The following KIF1A variants were observed in gnomAD, a reference collection of about 807,000 sequenced individuals.
KIF1A encodes kinesin-like protein KIF1A.
In KIF1A, 46 loss-of-function variants were observed where a neutral mutation model predicts 227.3. The ratio of observed to expected loss-of-function variants is 0.20; its 90% CI spans 0.16 to 0.26. The LOEUF (loss-of-function observed/expected upper bound fraction) is 0.26. KIF1A is among the 10% of genes least tolerant of loss of function. The pLI, the probability that KIF1A is intolerant of heterozygous loss-of-function variation, is 1.00. For synonymous variants in KIF1A, 1,022 were observed against 1,012.8 expected, an observed-to-expected ratio of 1.01 and a Z score of -0.17; for missense variants, 1,683 against 2,485.9, an observed-to-expected ratio of 0.68 and a Z score of 6.87.
intron 1 of KIF1A, among the ~76,000 whole-genome samples, chr2:240,807,122 GTGTGTGTGTATATA>G (rs1416812013): frequency 1.1e-5 from 1 of 91,538 alleles, no homozygotes; most frequent in African/African-American, 5.0e-5. Context: ...GTGTGTGTGT[GTGTGTGTGTATATA>G]TATATATATA....
intron 9 of KIF1A, among the ~76,000 whole-genome samples, 156 bp from the exon 10 acceptor site, chr2:240,782,763 C>T (rs1340162309): frequency 2.0e-5 from 3 of 152,144 alleles, no homozygotes; most frequent in African/African-American, 4.8e-5. Context: ...CAGGCAGGGT[C>T]CCTCCAGGGC....
intron 40 of KIF1A, chr2:240,724,338 C>G (rs1033960462): frequency 2.2e-6 from 1 of 464,786 alleles, no homozygotes; most frequent in African/African-American, 2.0e-5. Context: ...GCAACATGAG[C>G]ACAGCATCTG....
At position 240,785,087 on chromosome 2, in the gene KIF1A, T is replaced by C; in HGVS notation, c.622A>G (p.Thr208Ala). The stretch of plus-strand genomic sequence containing the variant: ...CGACTGCTGGTCTCATTCATGTTGG[T>C]GGCCGCCACGGTCCTGAGGAGCAGA... ...SGNKARTVAA[T>A]NMNETSSRSH... The change falls in exon 7 of 49, where the codon ACC becomes GCC. Residue 208 changes from threonine to alanine, a missense_variant. This residue lies in a region of KIF1A where 75 missense variants were observed against 131.2 expected (regional missense o/e 0.57). Coordinates refer to ENST00000498729, the MANE Select transcript of KIF1A (RefSeq NM_001244008.2). The C allele has an allele frequency of 6.2e-7, 1 of 1,612,950 alleles. No individual in the cohort carries two copies. Among genetic ancestry groups the C allele is most frequent in the Non-Finnish European group, 8.5e-7 (1 of 1,179,642 alleles).
At position 240,719,867 on chromosome 2, in the gene KIF1A, T is replaced by TCGG; in HGVS notation, c.4925_4927dup (p.Ala1642dup). ...GGCAGGGGAAGGGAGCTTCTTGGAG[T>TCGG]CGGCCTCTGGCAGCAGCTCGGGCTC... On this transcript the variant is annotated inframe_insertion, in exon 46 of 49. Coordinates refer to ENST00000498729, the MANE Select transcript of KIF1A (RefSeq NM_001244008.2). 1 of 1,611,682 alleles carries TCGG rather than the reference T, an allele frequency of 6.2e-7. No individual in the cohort carries two copies. Among genetic ancestry groups the TCGG allele is most frequent in the South Asian group, 1.1e-5 (1 of 90,988 alleles).
intron 35 of KIF1A, 137 bp downstream of exon 35, chr2:240,741,132 C>T: frequency 1.6e-6 from 1 of 618,582 alleles, no homozygotes; most frequent in Non-Finnish European, 2.9e-6. Flanking sequence ...GCCGGGCCCA[C>T]AAGAGGTCTG....
Position 240,775,734 on chromosome 2 carries a change from T to A in KIF1A, c.958+117A>T. On this transcript the variant is annotated intron_variant, in intron 11 of 48. Coordinates refer to ENST00000498729, the MANE Select transcript of KIF1A (RefSeq NM_001244008.2). This position sits in a 1 kb window ranked among gnomAD's most constrained non-coding sequence, Gnocchi z 5.5. ...GACCCTCCAGGTTCACCTCCCAGCC[T>A]CAGCCCAGAAAGGGTGAGAGGCCTG... 1.4e-6 allele frequency: 1 copy of A among 718,662 alleles called. No individual in the cohort carries two copies. 44.5% of individuals were successfully genotyped at this position (718,662 alleles called of 1,614,324 possible).
chr2:240,722,817 G>A (rs938156854), intron 42 of KIF1A, among the ~76,000 whole-genome samples, 161 bp from the exon 43 acceptor site: 1 of 152,068 alleles, frequency 6.6e-6, no homozygotes, highest in East Asian at 1.9e-4. Context: ...TGAAATGAGG[G>A]AACAGACCCT....
At chr2:240,782,687 C>T (rs981880168) in intron 9 of KIF1A, 80 bp from the exon 10 acceptor site, 5 of 1,423,648 alleles carry the variant, frequency 3.5e-6, no homozygotes, top group Admixed American at 2.0e-5. Context: ...GCAGGCGGCC[C>T]GGCTGCCTCG....
chr2:240,773,010 G>A, intron 13 of KIF1A, 104 bp downstream of exon 13: 1 of 1,285,920 alleles, frequency 7.8e-7, no homozygotes, highest in East Asian at 2.5e-5. Context: ...CCAGGGTGCA[G>A]CCAGCAAAGT....
At chr2:240,737,041 C>A (rs370105200) in intron 38 of KIF1A, 22 bp downstream of exon 38, 449 of 1,579,856 alleles carry the variant, frequency 2.8e-4, no homozygotes, top group Non-Finnish European at 3.8e-4. Context: ...TGGGCCCTGT[C>A]TCCAGGGAGT....
At chr2:240,803,084 CA>C (rs1016873612) in intron 1 of KIF1A, among the ~76,000 whole-genome samples, 6 of 151,980 alleles carry the variant, frequency 3.9e-5, no homozygotes, top group African/African-American at 9.7e-5. Flanking sequence ...TCAATACCCT[CA>C]AAAAAAATCA....
At chr2:240,735,090 C>T (rs2047171600) in intron 38 of KIF1A, among the ~76,000 whole-genome samples, 1 of 152,212 alleles carries the variant, frequency 6.6e-6, no homozygotes, top group Non-Finnish European at 1.5e-5. Flanking sequence ...CGGTGCCTGC[C>T]TGGGGGTGCC....
chr2:240,813,426 G>A (rs551784676), intron 1 of KIF1A, among the ~76,000 whole-genome samples: 1 of 152,310 alleles, frequency 6.6e-6, no homozygotes, highest in African/African-American at 2.4e-5. Flanking sequence ...GCACCTGGTG[G>A]AAGGCAGGGG....
Position 240,758,346 on chromosome 2 carries a change from G to T in KIF1A, c.2582+14C>A, listed in dbSNP as rs753363872. ...CAATCTCTCTCTCTGCCAAGGAAGGGAGGAGGCGCCCACCTGCCCACCAGC... is the reference window on the plus strand; with the variant it reads ...CAATCTCTCTCTCTGCCAAGGAAGGTAGGAGGCGCCCACCTGCCCACCAGC... On this transcript the variant is annotated intron_variant, in intron 26 of 48. Coordinates refer to ENST00000498729, the MANE Select transcript of KIF1A (RefSeq NM_001244008.2). This position sits in a 1 kb window ranked among gnomAD's most constrained non-coding sequence, Gnocchi z 5.2. The T allele has an allele frequency of 2.5e-6, 4 of 1,606,514 alleles. No individual in the cohort carries two copies. In the Admixed American group the frequency reaches 6.8e-5, roughly 27 times the overall value.
At chr2:240,765,382 C>T (rs1315278428) in intron 20 of KIF1A, among the ~76,000 whole-genome samples, 1 of 152,256 alleles carries the variant, frequency 6.6e-6, no homozygotes, top group Non-Finnish European at 1.5e-5. Context: ...CAGACCAGCC[C>T]GACAGGGCAG....
chr2:240,774,379 A>T, intron 11 of KIF1A, 118 bp from the exon 12 acceptor site: 1 of 451,978 alleles, frequency 2.2e-6, no homozygotes, highest in Non-Finnish European at 4.1e-6. Context: ...AGGTAAACTG[A>T]GTCACAGGCT....
chr2:240,719,129 G>A lies in KIF1A; in HGVS notation c.5091C>T (p.Phe1697=), dbSNP rs372903282. ...EPHTSGWARR[F]VVVRRPYAYM... is the part of the protein sequence containing the mutation. ...AGGCATAGGGGCGCCGCACCACCAC[G>A]AAGCGCCTGGCCCAGCCTGACGTGT... The change falls in exon 47 of 49, where the codon TTC becomes TTT. Residue 1697 remains phenylalanine, a synonymous_variant. Coordinates refer to ENST00000498729, the MANE Select transcript of KIF1A (RefSeq NM_001244008.2). 1.1e-4 allele frequency: 177 copies of A among 1,612,376 alleles called. No homozygotes were observed. The highest frequency in any genetic ancestry group is 1.6e-4 in the Middle Eastern group (1 of 6,082).
chr2:240,748,614 G>A, intron 28 of KIF1A: 1 of 242,572 alleles, frequency 4.1e-6, no homozygotes, highest in South Asian at 4.2e-5. Context: ...AGACAGAGGT[G>A]ATAGGTGTTC....
chr2:240,766,741 TCTCTCTCTCACACACACACA>T lies in KIF1A; in HGVS notation c.1684+154_1684+173del, dbSNP rs1339988743. Among the ~76,000 whole-genome samples the T allele has an allele frequency of 1.2e-4, 13 of 112,618 alleles. No individual in the cohort carries two copies. The highest frequency in any genetic ancestry group is 1.8e-4 in the Non-Finnish European group (10 of 56,592). 73.9% of individuals were successfully genotyped at this position (112,618 alleles called of 152,430 possible). ...CTCCAAATCTCTCTCTCTCTCTCTC[TCTCTCTCTCACACACACACA>T]CACACACACACACACACACACACAC... On this transcript the variant is annotated intron_variant, in intron 19 of 48. Coordinates refer to ENST00000498729, the MANE Select transcript of KIF1A (RefSeq NM_001244008.2). This position sits in a 1 kb window ranked among gnomAD's most constrained non-coding sequence, Gnocchi z 5.0.
Sources: gnomAD v4.1 joint callset for allele counts (sites outside exome capture counted in the v4.1 genomes callset) on GRCh38, gnomAD v4.1.1 for gene constraint, gnomAD v4.1.1 regional missense constraint, Gnocchi (gnomAD v3.1) non-coding constraint, MANE v1.5 for transcripts, NCBI Gene and HGNC (gene_info 2026-07-23, HGNC 2026-07-21) for gene names.